PIAS2: variants seen among roughly 807,000 people sequenced by gnomAD.
PIAS2 encodes the protein protein inhibitor of activated STAT 2.
Under a neutral mutation model 69.7 loss-of-function variants are expected in PIAS2, and 19 were observed. That is an observed-to-expected ratio of 0.27 (90% confidence interval 0.19 to 0.40). PIAS2 has a LOEUF of 0.40. Among genes scored for constraint, PIAS2 ranks in the 10% least tolerant of loss-of-function variants. The probability of loss-of-function intolerance (pLI) is 1.00; values close to 1 mark genes in which losing one functional copy is unlikely to be tolerated. For synonymous variants in PIAS2, 261 were observed against 263.2 expected, an observed-to-expected ratio of 0.99 and a Z score of 0.08; for missense variants, 624 against 757.0, an observed-to-expected ratio of 0.82 and a Z score of 2.06.
chr18:46,812,307 G>C lies in PIAS2; in HGVS notation c.*126C>G, dbSNP rs532955439. ...TGTGTTCACCCCTCAGAAAGCAAAA[G>C]AATCCATCTGACTTTCAATAAATAC... is the stretch of plus-strand genomic sequence containing the variant. On this transcript the variant is annotated 3_prime_UTR_variant, in exon 14 of 14. Transcript: ENST00000585916. 1 of 587,906 alleles carries C rather than the reference G, an allele frequency of 1.7e-6. No homozygotes were observed. Among genetic ancestry groups the C allele is most frequent in the African/African-American group, 2.0e-5 (1 of 49,030 alleles). 36.4% of individuals were successfully genotyped at this position (587,906 alleles called of 1,614,324 possible).
At chr18:46,884,339 G>GTCTC (rs910570251) in intron 2 of PIAS2, among the ~76,000 whole-genome samples, 6 of 151,430 alleles carry the variant, frequency 4.0e-5, no homozygotes, top group African/African-American at 1.5e-4. Context: ...TTGAGACAGA[G>GTCTC]TCTCACTCTG....
At chr18:46,908,615 ACT>A (rs1312918345) in intron 1 of PIAS2, among the ~76,000 whole-genome samples, 5 of 152,212 alleles carry the variant, frequency 3.3e-5, no homozygotes, top group Admixed American at 3.3e-4. Context: ...ATCTTCGAGA[ACT>A]CTGTTGAAAA....
At chr18:46,918,318 A>C (rs146199188), upstream of PIAS2, among the ~76,000 whole-genome samples, 833 of 152,256 alleles carry the variant, frequency 5.5e-3, 4 homozygotes, top group Non-Finnish European at 9.3e-3. Flanking sequence ...GAACCCACAC[A>C]CGAGAGGTCT....
At chr18:46,863,659 G>A (rs1050410944) in intron 3 of PIAS2, among the ~76,000 whole-genome samples, 10 of 152,070 alleles carry the variant, frequency 6.6e-5, no homozygotes, top group Non-Finnish European at 4.4e-5. Context: ...AAGACATTGA[G>A]GTTTTATTCA....
At position 46,805,679 on chromosome 18, in the gene PIAS2, C is replaced by G. The variant is rs1210084465; in HGVS notation, c.*6754G>C. The G allele has an allele frequency of 6.6e-6, 1 of 152,212 alleles. No individual in the cohort carries two copies. Among genetic ancestry groups the G allele is most frequent in the Non-Finnish European group, 1.5e-5 (1 of 68,128 alleles). The allele number at this position is 152,212 out of a possible 1,614,324, so 9.4% of individuals were successfully genotyped here. A position where few individuals can be genotyped will look rare whatever the true frequency, so the allele number is the denominator to read the frequency against. ...TGGGCAAGGCAGTGAAGAGAAAAAT[C>G]AAAAGAAAAGGCTAAGATGTAGCCA... On this transcript the variant is annotated 3_prime_UTR_variant, in exon 14 of 14. Transcript: ENST00000585916.
intron 1 of PIAS2, among the ~76,000 whole-genome samples, chr18:46,894,348 A>G (rs986000696): frequency 3.3e-5 from 5 of 152,178 alleles, no homozygotes; most frequent in Admixed American, 3.3e-4. Flanking sequence ...GAGGGTCACC[A>G]GAGCCCACAT....
chr18:46,844,703 T>TA (rs1568477371), intron 7 of PIAS2, 31 bp downstream of exon 7: 2 of 804,478 alleles, frequency 2.5e-6, no homozygotes, highest in South Asian at 2.8e-5. Context: ...TTTTTTTTTT[T>TA]AAATGCTTGG....
chr18:46,890,114 G>C (rs1199662761), intron 2 of PIAS2, among the ~76,000 whole-genome samples: 2 of 152,170 alleles, frequency 1.3e-5, no homozygotes, highest in Non-Finnish European at 2.9e-5. Flanking sequence ...TGATTCCAAC[G>C]ACATGAGGTA....
chr18:46,827,915 A>G (rs2058590855), intron 11 of PIAS2, 44 bp downstream of exon 11: 2 of 1,508,732 alleles, frequency 1.3e-6, no homozygotes, highest in African/African-American at 2.8e-5. Context: ...AAGAGCAATT[A>G]GTTGCAAGGG....
chr18:46,870,547 T>C (rs1171204814), intron 2 of PIAS2, among the ~76,000 whole-genome samples: 1 of 124,984 alleles, frequency 8.0e-6, no homozygotes, highest in African/African-American at 3.1e-5. Flanking sequence ...ACCCAGGAGG[T>C]GGAGCTTGCC....
At chr18:46,816,214 C>A in intron 12 of PIAS2, 2 of 985,176 alleles carry the variant, frequency 2.0e-6, no homozygotes, top group Middle Eastern at 5.2e-4. Flanking sequence ...CAGAGACACC[C>A]CGAATATAAC....
chr18:46,834,998 C>A (rs1034672721), intron 9 of PIAS2, among the ~76,000 whole-genome samples: 2 of 152,130 alleles, frequency 1.3e-5, no homozygotes, highest in African/African-American at 4.8e-5. Context: ...CAGACATACA[C>A]AAAATGCCAC....
intron 11 of PIAS2, among the ~76,000 whole-genome samples, chr18:46,823,547 T>A (rs2042433785): frequency 6.6e-6 from 1 of 152,228 alleles, no homozygotes; most frequent in Non-Finnish European, 1.5e-5. Flanking sequence ...TAACTGTACG[T>A]GTCCTGTCAC....
In PIAS2 at chr18:46,811,601, C is replaced by CGT. The variant is rs2041006208; in HGVS notation, c.*831_*832insAC. ...CCAAAGACATTTCATTCAATGGCTG[C>CGT]ATAGTTTCTTTTTTGAGAAGGCAAG... On this transcript the variant is annotated 3_prime_UTR_variant, in exon 14 of 14. Transcript: ENST00000585916. 6.6e-6 allele frequency: 1 copy of CGT among 150,578 alleles called. No homozygotes were observed. The highest frequency in any genetic ancestry group is 2.5e-5 in the African/African-American group (1 of 40,792). The allele number at this position is 150,578 out of a possible 1,614,324, so 9.3% of individuals were successfully genotyped here. A position where few individuals can be genotyped will look rare whatever the true frequency, so the allele number is the denominator to read the frequency against.
intron 11 of PIAS2, 39 bp downstream of exon 11, chr18:46,827,920 C>T: frequency 6.4e-7 from 1 of 1,555,022 alleles, no homozygotes; most frequent in Non-Finnish European, 8.8e-7. Flanking sequence ...CAATTAGTTG[C>T]AAGGGTAATG....
chr18:46,816,967 A>G lies in PIAS2; in HGVS notation c.1649-1618T>C, dbSNP rs928721049. 7.5e-6 allele frequency: 7 copies of G among 936,912 alleles called. No homozygotes were observed. In the African/African-American group the frequency reaches 1.2e-4, roughly 17 times the overall value. The allele number at this position is 936,912 out of a possible 1,614,324, so 58.0% of individuals were successfully genotyped here. A position where few individuals can be genotyped will look rare whatever the true frequency, so the allele number is the denominator to read the frequency against. The stretch of plus-strand genomic sequence containing the variant: ...AATCCTCTCCCTTCTTATGCCAAAC[A>G]ATTCAAAATTTGTCTAGCCCTTGTA... On this transcript the variant is annotated intron_variant, in intron 12 of 13. Coordinates refer to ENST00000585916, the MANE Select transcript of PIAS2 (RefSeq NM_004671.5).
At chr18:46,843,965 A>AT (rs1172549223) in intron 8 of PIAS2, 89 bp downstream of exon 8, 1 of 719,170 alleles carries the variant, frequency 1.4e-6, no homozygotes, top group Non-Finnish European at 2.3e-6. Context: ...TCTTCATAAT[A>AT]TATCATTCAT....
chr18:46,840,300 C>T (rs1014311084), intron 8 of PIAS2, among the ~76,000 whole-genome samples: 1 of 152,138 alleles, frequency 6.6e-6, no homozygotes, highest in Non-Finnish European at 1.5e-5. Flanking sequence ...TTCCATTAGC[C>T]ATCAGAGCAA....
intron 1 of PIAS2, chr18:46,901,250 C>CT: frequency 2.4e-6 from 1 of 412,620 alleles, no homozygotes; most frequent in Non-Finnish European, 4.8e-6. Flanking sequence ...AACCCCATCT[C>CT]TAAGAAAAAT....
Sources: allele counts gnomAD v4.1 joint callset (sites outside exome capture counted in the v4.1 genomes callset), GRCh38; gene constraint gnomAD v4.1.1; transcripts MANE v1.5; gene names NCBI Gene and HGNC (gene_info 2026-07-23, HGNC 2026-07-21).